SPATC1L: variants seen among roughly 807,000 people sequenced by gnomAD.
SPATC1L encodes spermatogenesis and centriole associated 1 like.
A neutral mutation model predicts 21.2 loss-of-function variants in SPATC1L; 20 were observed. The ratio of observed to expected loss-of-function variants is 0.94; its 90% CI spans 0.66 to 1.37. The LOEUF (loss-of-function observed/expected upper bound fraction) is 1.37, where lower values mean the gene tolerates loss of function less well. Ranked by LOEUF, SPATC1L falls within the 40% of genes most tolerant of loss-of-function variation. The pLI is 0.00. For missense variants in SPATC1L, 499 were observed against 478.7 expected, an observed-to-expected ratio of 1.04 and a Z score of -0.40; for synonymous variants, 290 against 234.5, an observed-to-expected ratio of 1.24 and a Z score of -2.16.
At chr21:46,181,217 C>G (rs2079670203) in intron 2 of SPATC1L, among the ~76,000 whole-genome samples, 1 of 152,206 alleles carries the variant, frequency 6.6e-6, no homozygotes, top group South Asian at 2.1e-4. Flanking sequence ...GGACCCTGCA[C>G]GTGGCCCAGC....
In SPATC1L at chr21:46,168,667, G is replaced by A; in HGVS notation, c.194-9C>T. The A allele has an allele frequency of 2.2e-6, 3 of 1,355,276 alleles. No individual in the cohort carries two copies. Among genetic ancestry groups the A allele is most frequent in the Non-Finnish European group, 1.9e-6 (2 of 1,040,622 alleles). The allele number at this position is 1,355,276 out of a possible 1,614,324, so 84.0% of individuals were successfully genotyped here. A position where few individuals can be genotyped will look rare whatever the true frequency, so the allele number is the denominator to read the frequency against. On this transcript the variant is annotated splice_polypyrimidine_tract_variant and intron_variant, in intron 2 of 4. Coordinates refer to ENST00000291672, the MANE Select transcript of SPATC1L (RefSeq NM_001142854.2). ...CCTTCCGAAATCTGGAACTGAGGCG[G>A]GGAGGAAAGGGATGAGAAATCAGGC...
intron 2 of SPATC1L, among the ~76,000 whole-genome samples, chr21:46,172,415 T>C (rs1490922942): frequency 6.6e-6 from 1 of 152,226 alleles, no homozygotes; most frequent in Non-Finnish European, 1.5e-5. Flanking sequence ...GGTACAGAGA[T>C]AGGCTCACAA....
chr21:46,161,595 G>T lies in SPATC1L; in HGVS notation c.807C>A (p.Asp269Glu). Residue 269 changes from aspartate (D) to glutamate (E), a missense_variant, in exon 5 of 5, where the codon GAC becomes GAA. By Grantham distance (45) the Asp-to-Glu change is conservative. Coordinates refer to ENST00000291672, the MANE Select transcript of SPATC1L (RefSeq NM_001142854.2). The part of the protein sequence containing the change: ...ARLEKLGYSR[D>E]VHPAFSEFLI... Reference sequence around the variant, plus strand: ...GGAACTCGCTGAACGCCGGGTGCACGTCGCGGCTGTAGCCCAGCTTCTCCA... The same window carrying T: ...GGAACTCGCTGAACGCCGGGTGCACTTCGCGGCTGTAGCCCAGCTTCTCCA... 6.2e-7 allele frequency: 1 copy of T among 1,610,224 alleles called. No individual in the cohort carries two copies. The highest frequency in any genetic ancestry group is 8.5e-7 in the Non-Finnish European group (1 of 1,178,926).
At chr21:46,180,369 G>A (rs2079663361) in intron 2 of SPATC1L, among the ~76,000 whole-genome samples, 1 of 152,256 alleles carries the variant, frequency 6.6e-6, no homozygotes, top group African/African-American at 2.4e-5. Context: ...CCAAGAGAAC[G>A]TTGATTGTGG....
intron 2 of SPATC1L, among the ~76,000 whole-genome samples, chr21:46,181,710 A>G (rs1179667237): frequency 6.6e-6 from 1 of 152,090 alleles, no homozygotes; most frequent in Non-Finnish European, 1.5e-5. Flanking sequence ...AGCAGTGTTC[A>G]CGGGCACTGG....
In SPATC1L at chr21:46,161,160, T is replaced by A. The variant is rs75660802; in HGVS notation, c.*219A>T. 64,587 of 413,766 alleles carry A rather than the reference T, an allele frequency of 0.16. 7,180 individuals are homozygous for A. Among genetic ancestry groups the A allele is most frequent in the African/African-American group, 0.38 (18,164 of 47,690 alleles). The allele number at this position is 413,766 out of a possible 1,614,324, so 25.6% of individuals were successfully genotyped here. On this transcript the variant is annotated 3_prime_UTR_variant, in exon 5 of 5. Coordinates refer to ENST00000291672, the MANE Select transcript of SPATC1L (RefSeq NM_001142854.2). ...AAAGAGCCAGAGGTAAAGGCAGACA[T>A]GCAAACGGATGATTTTAATGAGGGG...
chr21:46,182,472 A>G (rs967751835), intron 2 of SPATC1L, among the ~76,000 whole-genome samples, 152 bp downstream of exon 2: 6 of 152,160 alleles, frequency 3.9e-5, no homozygotes, highest in Admixed American at 2.6e-4. Flanking sequence ...AGCAGAACCC[A>G]CCACCTGGTC....
Position 46,173,099 on chromosome 21 carries a change from G to A in SPATC1L, c.194-4441C>T, listed in dbSNP as rs116295387. Among the ~76,000 whole-genome samples, 496 of 152,294 alleles carry A rather than the reference G, an allele frequency of 3.3e-3. 2 individuals are homozygous for A. The highest frequency in any genetic ancestry group is 0.011 in the African/African-American group (472 of 41,558). ...TGCAGGAACACAGCCAGGGACGGCCGTCCCCCAGGCTTGATTTGCTCCCAC... is the reference window on the plus strand; with the variant it reads ...TGCAGGAACACAGCCAGGGACGGCCATCCCCCAGGCTTGATTTGCTCCCAC... On this transcript the variant is annotated intron_variant, in intron 2 of 4. Transcript: ENST00000291672.
Position 46,182,777 on chromosome 21 carries a change from C to T in SPATC1L, c.40G>A (p.Glu14Lys), listed in dbSNP as rs143719440. 7,537 of 1,546,608 alleles carry T rather than the reference C, an allele frequency of 4.9e-3. 24 individuals carry two copies. Among genetic ancestry groups the T allele is most frequent in the Non-Finnish European group, 5.4e-3 (6,166 of 1,145,592 alleles). ...GGELMSRLLS[E>K]NADLKKQVRL... The stretch of plus-strand genomic sequence containing the variant: ...ACCTGCTTCTTCAGGTCCGCGTTCT[C>T]GCTCAGGAGCCGGCTCATCAGCTCG... The change falls in exon 2 of 5, where the codon GAG (glutamate) becomes AAG (lysine). Residue 14 changes from glutamate (E) to lysine (K), a missense_variant. By Grantham distance (56) the Glu-to-Lys change is moderately conservative (BLOSUM62 1). Transcript: ENST00000291672.
At chr21:46,176,874 T>G (rs926500442) in intron 2 of SPATC1L, among the ~76,000 whole-genome samples, 1 of 152,092 alleles carries the variant, frequency 6.6e-6, no homozygotes, top group Non-Finnish European at 1.5e-5. Context: ...CTACCCAACT[T>G]CAAACTATAC....
chr21:46,181,976 C>T (rs1353426100), intron 2 of SPATC1L, among the ~76,000 whole-genome samples: 3 of 152,182 alleles, frequency 2.0e-5, no homozygotes, highest in Non-Finnish European at 2.9e-5. Flanking sequence ...GTGACCAAAC[C>T]CTATATATAT....
At chr21:46,164,589 C>T (rs777831929) in intron 3 of SPATC1L, among the ~76,000 whole-genome samples, 5 of 151,878 alleles carry the variant, frequency 3.3e-5, no homozygotes, top group East Asian at 1.9e-4. Context: ...GTCAGGAGTT[C>T]GAGACCAGCT....
At chr21:46,169,242 T>C (rs9980792) in intron 2 of SPATC1L, among the ~76,000 whole-genome samples, 41,912 of 149,002 alleles carry the variant, frequency 0.28, 8,124 homozygotes, top group African/African-American at 0.47. Flanking sequence ...GGAGGAGCCT[T>C]CTGCTCTGTG....
chr21:46,165,860 T>G (rs1224645028), intron 3 of SPATC1L, among the ~76,000 whole-genome samples: 1 of 152,226 alleles, frequency 6.6e-6, no homozygotes, highest in Non-Finnish European at 1.5e-5. Context: ...TAATTTCAGT[T>G]GACATTATCA....
At chr21:46,164,663 G>A (rs1036053696) in intron 3 of SPATC1L, among the ~76,000 whole-genome samples, 1 of 151,904 alleles carries the variant, frequency 6.6e-6, no homozygotes, top group Non-Finnish European at 1.5e-5. Context: ...ATGGTGGCGG[G>A]TGCCTGTAAT....
rs762337855 is a variant in SPATC1L at position 46,161,329 on chromosome 21, G to T, written c.*50C>A. 3 of 1,449,784 alleles carry T rather than the reference G, an allele frequency of 2.1e-6. No homozygotes were observed. Among genetic ancestry groups the T allele is most frequent in the Admixed American group, 5.2e-5 (2 of 38,612 alleles). 89.8% of individuals were successfully genotyped at this position (1,449,784 alleles called of 1,614,324 possible). A position where few individuals can be genotyped will look rare whatever the true frequency, so the allele number is the denominator to read the frequency against. On this transcript the variant is annotated 3_prime_UTR_variant, in exon 5 of 5. Transcript: ENST00000291672. Reference sequence around the variant, plus strand: ...ACGCGCAGGAGGCACCGCGGCCCCGGGTTGGAACAAACGCGTTTACTGCAG... The same window carrying T: ...ACGCGCAGGAGGCACCGCGGCCCCGTGTTGGAACAAACGCGTTTACTGCAG...
rs766419736 is a variant in SPATC1L at position 46,161,527 on chromosome 21, C to A, written c.875G>T (p.Arg292Leu). The change falls in exon 5 of 5, where the codon CGC becomes CTC. Residue 292 changes from arginine to leucine, a missense_variant. Coordinates refer to ENST00000291672, the MANE Select transcript of SPATC1L (RefSeq NM_001142854.2). ...YGILKQRPDL[R>L]ANPLHSSPAA... Reference sequence around the variant, plus strand: ...CGGGCTGCTGTGCAGGGGGTTGGCGCGCAGGTCGGGCCGCTGCTTCAGGAT... The same window carrying A: ...CGGGCTGCTGTGCAGGGGGTTGGCGAGCAGGTCGGGCCGCTGCTTCAGGAT... 6.2e-7 allele frequency: 1 copy of A among 1,610,340 alleles called. No homozygotes were observed. The highest frequency in any genetic ancestry group is 1.3e-5 in the African/African-American group (1 of 75,008).
chr21:46,179,713 G>A (rs898546420), intron 2 of SPATC1L, among the ~76,000 whole-genome samples: 5 of 152,228 alleles, frequency 3.3e-5, no homozygotes, highest in East Asian at 1.9e-4. Flanking sequence ...ATCTGGGGGG[G>A]CCTGGCTGTC....
chr21:46,172,127 CACAGAGTGTGAGGT>C (rs2079596811), intron 2 of SPATC1L, among the ~76,000 whole-genome samples: 1 of 12,596 alleles, frequency 7.9e-5, no homozygotes, highest in African/African-American at 1.4e-4. Flanking sequence ...GCGGGGGATG[CACAGAGTGTGAGGT>C]GGGGGATGCA....
Sources: allele counts gnomAD v4.1 joint callset (sites outside exome capture counted in the v4.1 genomes callset), GRCh38; gene constraint gnomAD v4.1.1; transcripts MANE v1.5; gene names NCBI Gene and HGNC (gene_info 2026-07-23, HGNC 2026-07-21).